SLC25A26: variants seen among roughly 807,000 people sequenced by gnomAD.
SLC25A26 encodes solute carrier family 25 member 26.
In SLC25A26, 36 loss-of-function variants were observed where a neutral mutation model predicts 37.8. The observed-to-expected ratio is 0.95, with a 90% CI of 0.73 to 1.26. The LOEUF is 1.26. SLC25A26 is among the 50% of genes most tolerant of loss of function. SLC25A26 has a pLI of 0.00. For synonymous variants in SLC25A26, 129 were observed against 122.5 expected, an observed-to-expected ratio of 1.05 and a Z score of -0.35; for missense variants, 390 against 331.1, an observed-to-expected ratio of 1.18 and a Z score of -1.38.
chr3:66,174,099 G>A lies in SLC25A26; in HGVS notation c.-354+40115G>A, dbSNP rs188459992. Among the ~76,000 whole-genome samples, 395 of 151,602 alleles carry A rather than the reference G, an allele frequency of 2.6e-3. 3 individuals carry two copies. The highest frequency in any genetic ancestry group is 9.3e-3 in the African/African-American group (386 of 41,454). On this transcript the variant is annotated intron_variant, in intron 1 of 10. Coordinates refer to the SLC25A26 transcript ENST00000676754. Reference sequence around the variant, plus strand: ...TGAAAGTCTAACAAAACCATTGGTAGAATGGGCTTGCTTTAAAATATTAAG... The same window carrying A: ...TGAAAGTCTAACAAAACCATTGGTAAAATGGGCTTGCTTTAAAATATTAAG...
chr3:66,164,584 G>A (rs536448880), intron 1 of SLC25A26, among the ~76,000 whole-genome samples: 4 of 152,234 alleles, frequency 2.6e-5, no homozygotes, highest in East Asian at 1.9e-4. Flanking sequence ...TAGGATTACC[G>A]TCAATGACTT....
intron 3 of SLC25A26, among the ~76,000 whole-genome samples, chr3:66,249,584 G>A (rs2072999138): frequency 6.6e-6 from 1 of 152,210 alleles, no homozygotes. Context: ...GAACCACTGA[G>A]CAAGATAATA....
intron 1 of SLC25A26, among the ~76,000 whole-genome samples, chr3:66,232,895 T>C (rs999883082): frequency 4.6e-5 from 7 of 152,084 alleles, no homozygotes; most frequent in Non-Finnish European, 7.4e-5. Context: ...GGAGAATGAA[T>C]GGGAAGTGGG....
rs75590791 is a variant in SLC25A26, at chr3:66,363,883, A to T, written c.568+954A>T. On this transcript the variant is annotated intron_variant, in intron 7 of 9. Coordinates refer to ENST00000354883, the MANE Select transcript of SLC25A26 (RefSeq NM_001379210.1). Reference sequence around the variant, plus strand: ...AACAATAAGAATTTTGCCTGTAGACATGAAACCAATCCAGATTGATTATGA... The same window carrying T: ...AACAATAAGAATTTTGCCTGTAGACTTGAAACCAATCCAGATTGATTATGA... Among the ~76,000 whole-genome samples, 475 of 152,328 alleles carry T rather than the reference A, an allele frequency of 3.1e-3. 2 individuals are homozygous for T. Among genetic ancestry groups the T allele is most frequent in the East Asian group, 0.018 (94 of 5,178 alleles).
intron 1 of SLC25A26, among the ~76,000 whole-genome samples, chr3:66,158,602 C>T (rs771477595): frequency 5.9e-5 from 9 of 152,164 alleles, no homozygotes; most frequent in Admixed American, 1.3e-4. Context: ...TCTATAGCCT[C>T]GCCAACACTT....
intron 5 of SLC25A26, among the ~76,000 whole-genome samples, chr3:66,344,320 A>C (rs2076272987): frequency 6.6e-6 from 1 of 152,134 alleles, no homozygotes; most frequent in South Asian, 2.1e-4. Context: ...AAAATTAGCC[A>C]GGCGTGGTGG....
chr3:66,331,928 T>G (rs998957986), intron 5 of SLC25A26, among the ~76,000 whole-genome samples: 3 of 152,092 alleles, frequency 2.0e-5, no homozygotes, highest in South Asian at 2.1e-4. Context: ...TTTTGTTTTT[T>G]TTTGTTTGTT....
At chr3:66,264,734 T>C (rs1243792131) in intron 5 of SLC25A26, among the ~76,000 whole-genome samples, 2 of 152,114 alleles carry the variant, frequency 1.3e-5, no homozygotes. Flanking sequence ...CCAAAAAGGT[T>C]GGGGACCGCT....
At chr3:66,347,978 G>C (rs1043367166) in intron 6 of SLC25A26, among the ~76,000 whole-genome samples, 5 of 152,126 alleles carry the variant, frequency 3.3e-5, no homozygotes, top group Admixed American at 3.3e-4. Context: ...CCTGTTGTGG[G>C]GTGCAGGGGG....
At chr3:66,280,047 C>G (rs533512860) in intron 5 of SLC25A26, among the ~76,000 whole-genome samples, 1 of 152,294 alleles carries the variant, frequency 6.6e-6, no homozygotes, top group South Asian at 2.1e-4. Context: ...TAATTAGACT[C>G]TGCTGATTTA....
At chr3:66,178,898 C>T (rs756987971) in intron 1 of SLC25A26, among the ~76,000 whole-genome samples, 2 of 152,162 alleles carry the variant, frequency 1.3e-5, no homozygotes, top group South Asian at 2.1e-4. Flanking sequence ...CAATATCTTA[C>T]GTTATCAATG....
intron 1 of SLC25A26, among the ~76,000 whole-genome samples, chr3:66,207,202 C>G (rs1458297531): frequency 6.6e-6 from 1 of 152,100 alleles, no homozygotes; most frequent in East Asian, 1.9e-4. Context: ...GCCTCACCTA[C>G]GTAAGTCATG....
chr3:66,315,871 C>G (rs963370220), intron 5 of SLC25A26, among the ~76,000 whole-genome samples: 2 of 152,082 alleles, frequency 1.3e-5, no homozygotes, highest in Non-Finnish European at 2.9e-5. Context: ...ATGTAATGCC[C>G]TTTTTTGTCT....
chr3:66,206,338 C>G (rs967727103), intron 1 of SLC25A26, among the ~76,000 whole-genome samples: 2 of 152,298 alleles, frequency 1.3e-5, no homozygotes, highest in African/African-American at 2.4e-5. Flanking sequence ...AAACTTCATA[C>G]TGAGGTAGAT....
chr3:66,139,664 G>A (rs2070004930), intron 1 of SLC25A26, among the ~76,000 whole-genome samples: 1 of 152,210 alleles, frequency 6.6e-6, no homozygotes, highest in South Asian at 2.1e-4. Context: ...AAGCAGTACA[G>A]ATGGTCGGCT....
intron 5 of SLC25A26, among the ~76,000 whole-genome samples, chr3:66,329,446 G>A (rs1021313972): frequency 6.6e-6 from 1 of 152,140 alleles, no homozygotes; most frequent in African/African-American, 2.4e-5. Context: ...TGGAGTGTGT[G>A]CCTGCTTAAT....
chr3:66,254,252 T>C (rs1442170461), intron 3 of SLC25A26, among the ~76,000 whole-genome samples: 1 of 152,220 alleles, frequency 6.6e-6, no homozygotes, highest in Non-Finnish European at 1.5e-5. Flanking sequence ...TGAACTGTTG[T>C]AGAGGTTTTT....
At chr3:66,275,643 G>A (rs1035719477) in intron 5 of SLC25A26, among the ~76,000 whole-genome samples, 6 of 152,046 alleles carry the variant, frequency 3.9e-5, no homozygotes, top group Non-Finnish European at 7.4e-5. Flanking sequence ...GAATTATGGA[G>A]TTCTCACTAA....
At chr3:66,196,920 A>T (rs2071052031) in intron 1 of SLC25A26, among the ~76,000 whole-genome samples, 1 of 152,182 alleles carries the variant, frequency 6.6e-6, no homozygotes, top group African/African-American at 2.4e-5. Context: ...TGAGAAGGCA[A>T]ATACAAGCAT....
Sources: allele counts gnomAD v4.1 joint callset (sites outside exome capture counted in the v4.1 genomes callset), GRCh38; gene constraint gnomAD v4.1.1; transcripts MANE v1.5; gene names NCBI Gene and HGNC (gene_info 2026-07-23, HGNC 2026-07-21).